The following TCF25 variants were observed in gnomAD, a reference collection of about 807,000 sequenced individuals.
The protein encoded by TCF25 is TCF25 ribosome quality control complex subunit.
Under a neutral mutation model 83.1 loss-of-function variants are expected in TCF25, and 41 were observed. The observed-to-expected ratio is 0.49, with a 90% CI of 0.38 to 0.64. The LOEUF (loss-of-function observed/expected upper bound fraction) is 0.64, where lower values mean the gene tolerates loss of function less well. Among genes scored for constraint, TCF25 ranks in the 30% least tolerant of loss-of-function variants. The pLI is 0.00. For missense variants in TCF25, 979 were observed against 914.5 expected, an observed-to-expected ratio of 1.07 and a Z score of -0.91; for synonymous variants, 458 against 365.0, an observed-to-expected ratio of 1.25 and a Z score of -2.90.
chr16:89,873,891 G>T, intron 1 of TCF25, 32 bp downstream of exon 1: 2 of 1,492,572 alleles, frequency 1.3e-6, no homozygotes, highest in South Asian at 1.3e-5. Context: ...GTGGGGGTGG[G>T]GTGGCCCTTG....
At position 89,895,124 on chromosome 16, in the gene TCF25, T is replaced by TC. The variant is rs781442909; in HGVS notation, c.916dup (p.Arg306ProfsTer72). The TC allele has an allele frequency of 6.2e-7, 1 of 1,612,648 alleles. No individual in the cohort carries two copies. Among genetic ancestry groups the TC allele is most frequent in the Non-Finnish European group, 8.5e-7 (1 of 1,179,518 alleles). The stretch of plus-strand genomic sequence containing the variant: ...GCTTTCAAGAGGATCAGGAGATGGC[T>TC]CGAGACCTCGTAGGTAAGGCAGAGC... On this transcript the variant is annotated frameshift_variant, in exon 8 of 18. Coordinates refer to ENST00000263346, the MANE Select transcript of TCF25 (RefSeq NM_014972.3). LOFTEE classifies it high-confidence loss of function.
At chr16:89,896,142 C>G in intron 9 of TCF25, 59 bp downstream of exon 9, 2 of 1,548,806 alleles carry the variant, frequency 1.3e-6, no homozygotes, top group Non-Finnish European at 1.8e-6. Context: ...GCGAGTGAGG[C>G]TGGGGGAGGT....
intron 7 of TCF25, 73 bp from the exon 8 acceptor site, chr16:89,894,965 G>GA (rs1293432228): frequency 3.5e-6 from 5 of 1,418,342 alleles, no homozygotes; most frequent in Admixed American, 1.9e-5. Flanking sequence ...TTAAATGTCT[G>GA]AAAAAAAGGC....
At chr16:89,878,714 C>T (rs1032887290) in intron 1 of TCF25, 1 of 956,096 alleles carries the variant, frequency 1.0e-6, no homozygotes, top group Non-Finnish European at 1.3e-6. Flanking sequence ...CATCTCAGCT[C>T]ACTGCAAGCT....
At chr16:89,884,901 C>CCCCTCTCCCTCTGCCTGACG (rs1453148335) in intron 3 of TCF25, among the ~76,000 whole-genome samples, 2 of 76,936 alleles carry the variant, frequency 2.6e-5, no homozygotes, top group Non-Finnish European at 2.4e-5. Flanking sequence ...CTGCCTGACG[C>CCCCTCTCCCTCTGCCTGACG]CCCTCTCCCT....
intron 2 of TCF25, 163 bp downstream of exon 2, chr16:89,883,675 T>C: frequency 5.0e-6 from 4 of 802,578 alleles, no homozygotes; most frequent in Non-Finnish European, 7.7e-6. Flanking sequence ...CTTGATGAGA[T>C]TTGCATGAAA....
chr16:89,879,055 G>A (rs1245742038), intron 1 of TCF25, among the ~76,000 whole-genome samples: 1 of 152,260 alleles, frequency 6.6e-6, no homozygotes, highest in Non-Finnish European at 1.5e-5. Context: ...GCAAAACTAG[G>A]CCTGTCACCC....
intron 7 of TCF25, among the ~76,000 whole-genome samples, chr16:89,894,752 C>T (rs561725802): frequency 2.0e-5 from 3 of 152,296 alleles, no homozygotes; most frequent in South Asian, 2.1e-4. Flanking sequence ...TCAAGCGATT[C>T]GCCTGCCTCA....
chr16:89,907,361 C>A (rs544536846), intron 16 of TCF25, 39 bp downstream of exon 16: 7 of 1,368,724 alleles, frequency 5.1e-6, no homozygotes, highest in South Asian at 2.5e-5. Flanking sequence ...CCAGCTCCCA[C>A]CTCCCTCCTC....
chr16:89,880,107 C>T (rs973352676), intron 1 of TCF25, among the ~76,000 whole-genome samples: 2 of 152,166 alleles, frequency 1.3e-5, no homozygotes, highest in African/African-American at 4.8e-5. Context: ...GCTCCCGGGC[C>T]TATCATGTGT....
rs752903361 is a variant in TCF25, at chr16:89,873,884, G to T, written c.192+25G>T. On this transcript the variant is annotated intron_variant, in intron 1 of 17. Transcript: ENST00000263346. ...GGTGAGGAGCGCGGCGGCCCGGGTG[G>T]GGGTGGGGTGGCCCTTGACGTTGTG... 12 of 1,504,170 alleles carry T rather than the reference G, an allele frequency of 8.0e-6. No individual in the cohort carries two copies. The African/African-American group carries it at 1.0e-4, about 13-fold the overall frequency. 93.2% of individuals were successfully genotyped at this position (1,504,170 alleles called of 1,614,324 possible).
intron 7 of TCF25, 84 bp downstream of exon 7, chr16:89,893,942 G>C: frequency 6.5e-7 from 1 of 1,531,180 alleles, no homozygotes. Context: ...TGGTGGCTGG[G>C]GGAGGCATGC....
chr16:89,890,800 C>G (rs2043367406), intron 5 of TCF25, among the ~76,000 whole-genome samples: 1 of 151,900 alleles, frequency 6.6e-6, no homozygotes, highest in South Asian at 2.1e-4. Flanking sequence ...ACTGATTACT[C>G]GTAGTAATTA....
chr16:89,885,825 A>C (rs754009702), intron 3 of TCF25, 23 bp from the exon 4 acceptor site: 156 of 1,560,104 alleles, frequency 1.0e-4, no homozygotes, highest in Non-Finnish European at 6.2e-6. Context: ...GTGGTGATTA[A>C]GAGGTTGTTT....
chr16:89,903,695 T>A (rs1209233037), intron 12 of TCF25, among the ~76,000 whole-genome samples: 1 of 151,320 alleles, frequency 6.6e-6, no homozygotes, highest in African/African-American at 2.4e-5. Flanking sequence ...TGATCCCAGC[T>A]ACTCGGGAGG....
chr16:89,902,648 C>T lies in TCF25; in HGVS notation c.1382-1470C>T, dbSNP rs185724367. Among the ~76,000 whole-genome samples, 442 of 145,638 alleles carry T rather than the reference C, an allele frequency of 3.0e-3. 13 individuals are homozygous for T. The highest frequency in any genetic ancestry group is 0.01 in the African/African-American group (424 of 40,550). ...AGCTTGCAGTGAGCCGAGATCGCGC[C>T]ACTGCACTCCAGCCTGGGCAACATA... On this transcript the variant is annotated intron_variant, in intron 12 of 17. Coordinates refer to ENST00000263346, the MANE Select transcript of TCF25 (RefSeq NM_014972.3).
rs8062100 is a variant in TCF25 at position 89,881,954 on chromosome 16, C to G, written c.193-1397C>G. ...ATTTTCAGTAGAGACGGGATTTCAC[C>G]ATGTTGGTCAGGCTGGTCTTGAATT... On this transcript the variant is annotated intron_variant, in intron 1 of 17. Coordinates refer to ENST00000263346, the MANE Select transcript of TCF25 (RefSeq NM_014972.3). Among the ~76,000 whole-genome samples the G allele has an allele frequency of 2.8e-3, 426 of 152,144 alleles. 3 individuals are homozygous for G. The highest frequency in any genetic ancestry group is 9.9e-3 in the African/African-American group (412 of 41,504).
intron 2 of TCF25, chr16:89,883,809 C>T (rs2042780521): frequency 6.6e-6 from 2 of 301,136 alleles, no homozygotes; most frequent in Non-Finnish European, 1.2e-5. Flanking sequence ...CCTAGCCGAC[C>T]GCGCACGTGT....
chr16:89,885,501 C>T (rs193220828), intron 3 of TCF25, among the ~76,000 whole-genome samples: 39 of 152,338 alleles, frequency 2.6e-4, no homozygotes, highest in Non-Finnish European at 4.1e-4. Context: ...CCTTCGTCCT[C>T]GTCTGACTGT....
Sources: allele counts gnomAD v4.1 joint callset (sites outside exome capture counted in the v4.1 genomes callset), GRCh38; gene constraint gnomAD v4.1.1; transcripts MANE v1.5; gene names NCBI Gene and HGNC (gene_info 2026-07-23, HGNC 2026-07-21).